The following MERTK variants were observed in gnomAD, a reference collection of about 807,000 sequenced individuals.
MERTK encodes tyrosine-protein kinase Mer.
In MERTK, 69 loss-of-function variants were observed where a neutral mutation model predicts 99.3. That is an observed-to-expected ratio of 0.70 (90% CI 0.57 to 0.85). MERTK has a LOEUF of 0.85. MERTK is among the 40% of genes least tolerant of loss of function. The pLI, the probability that MERTK is intolerant of heterozygous loss-of-function variation, is 0.00. For missense variants in MERTK, 1,125 were observed against 1,249.4 expected (o/e 0.90, Z 1.50); for synonymous variants, 426 against 467.6 (o/e 0.91, Z 1.15).
Position 111,976,418 on chromosome 2 carries a change from A to AT in MERTK, c.1144+948dup, listed in dbSNP as rs1238143816. Among the ~76,000 whole-genome samples the AT allele has an allele frequency of 7.2e-5, 11 of 152,228 alleles. No homozygotes were observed. The East Asian group carries it at 2.1e-3, about 29-fold the overall frequency. ...AGGAGGGCGGGAAGAGGTCAGAGAG[A>AT]TTGTTTTCTGAGGCCTGCCCCTGAG... On this transcript the variant is annotated intron_variant, in intron 7 of 18. Transcript: ENST00000295408.
At chr2:111,945,165 ACT>A (rs1440571677) in intron 3 of MERTK, 105 bp downstream of exon 3, 3 of 860,892 alleles carry the variant, frequency 3.5e-6, no homozygotes, top group Non-Finnish European at 3.8e-6. Flanking sequence ...CCTATTTATA[ACT>A]CTGTATGCAA....
At chr2:112,017,323 C>CG (rs1291794646) in intron 15 of MERTK, among the ~76,000 whole-genome samples, 1 of 152,124 alleles carries the variant, frequency 6.6e-6, no homozygotes, top group Non-Finnish European at 1.5e-5. Context: ...TAGCTAGACA[C>CG]GGAGCACTGA....
chr2:111,979,509 C>T (rs1418482419), intron 7 of MERTK, among the ~76,000 whole-genome samples: 1 of 152,060 alleles, frequency 6.6e-6, no homozygotes, highest in Non-Finnish European at 1.5e-5. Context: ...TCTGGAAATG[C>T]AAGTCTTTTG....
At chr2:111,953,087 G>A (rs1685086357) in intron 4 of MERTK, among the ~76,000 whole-genome samples, 1 of 152,182 alleles carries the variant, frequency 6.6e-6, no homozygotes, top group Non-Finnish European at 1.5e-5. Flanking sequence ...ACCAGTAGGA[G>A]AGCACTTGCG....
At chr2:111,939,667 T>G (rs1684826407) in intron 2 of MERTK, among the ~76,000 whole-genome samples, 4 of 137,284 alleles carry the variant, frequency 2.9e-5, no homozygotes, top group African/African-American at 5.5e-5. Context: ...TTTTTTTTTT[T>G]TTTTTTTTTT....
intron 1 of MERTK, among the ~76,000 whole-genome samples, chr2:111,904,934 C>G (rs1684109726): frequency 6.6e-6 from 1 of 152,200 alleles, no homozygotes; most frequent in Non-Finnish European, 1.5e-5. Flanking sequence ...CTCTGGCACT[C>G]TGGGCATTGG....
chr2:111,913,349 A>G (rs1684287076), intron 1 of MERTK, among the ~76,000 whole-genome samples: 1 of 152,066 alleles, frequency 6.6e-6, no homozygotes, highest in Non-Finnish European at 1.5e-5. Flanking sequence ...AGAGTTCTGT[A>G]TGTGCTTTGT....
At chr2:111,975,958 C>T (rs1380505738) in intron 7 of MERTK, among the ~76,000 whole-genome samples, 2 of 152,138 alleles carry the variant, frequency 1.3e-5, no homozygotes, top group Non-Finnish European at 2.9e-5. Flanking sequence ...CTCCCAACCC[C>T]GTCCCCAGCC....
At chr2:111,902,912 G>A (rs1684072556) in intron 1 of MERTK, among the ~76,000 whole-genome samples, 1 of 151,528 alleles carries the variant, frequency 6.6e-6, no homozygotes, top group African/African-American at 2.4e-5. Context: ...CCCAGTAGCT[G>A]GGATTACAGG....
intron 10 of MERTK, among the ~76,000 whole-genome samples, chr2:112,000,957 C>T (rs1676856172): frequency 6.6e-6 from 1 of 152,168 alleles, no homozygotes; most frequent in Non-Finnish European, 1.5e-5. Context: ...ACTGTTACAG[C>T]TTTGGCCACT....
chr2:112,004,640 G>A (rs559401571), intron 13 of MERTK, among the ~76,000 whole-genome samples: 7 of 152,232 alleles, frequency 4.6e-5, no homozygotes, highest in African/African-American at 1.2e-4. Context: ...AGCCGGGCAC[G>A]GTGGCTCACG....
chr2:111,937,542 T>A (rs1259683624), intron 2 of MERTK, among the ~76,000 whole-genome samples: 1 of 152,172 alleles, frequency 6.6e-6, no homozygotes, highest in Non-Finnish European at 1.5e-5. Flanking sequence ...AGGCTCCTGG[T>A]ACTGTGGATG....
At chr2:111,900,600 CAA>C (rs542972592) in intron 1 of MERTK, among the ~76,000 whole-genome samples, 1 of 152,186 alleles carries the variant, frequency 6.6e-6, no homozygotes, top group African/African-American at 2.4e-5. Context: ...GCTGTAATAA[CAA>C]ATTTTTGTAG....
chr2:111,901,557 T>C (rs1044025504), intron 1 of MERTK, among the ~76,000 whole-genome samples: 3 of 135,678 alleles, frequency 2.2e-5, no homozygotes, highest in Non-Finnish European at 1.6e-5. Context: ...TTTTCTTTCT[T>C]TCTTTTTTTT....
intron 13 of MERTK, among the ~76,000 whole-genome samples, chr2:112,005,828 A>C (rs145362347): frequency 3.3e-5 from 5 of 152,306 alleles, no homozygotes; most frequent in African/African-American, 9.6e-5. Context: ...ACATTAAAGC[A>C]TAAGTTAGAT....
Position 112,019,668 on chromosome 2 carries a change from A to G in MERTK, c.2189+146A>G. On this transcript the variant is annotated intron_variant, in intron 16 of 18. Transcript: ENST00000295408. ...TGTGGCTTGCTCCGAAGATGGAAAT[A>G]TGGCTGGGTGTTTGGGAGTTTTCAC... 3 of 729,976 alleles carry G rather than the reference A, an allele frequency of 4.1e-6. No homozygotes were observed. The South Asian group carries it at 4.4e-5, about 11-fold the overall frequency. 45.2% of individuals were successfully genotyped at this position (729,976 alleles called of 1,614,324 possible).
intron 1 of MERTK, among the ~76,000 whole-genome samples, chr2:111,924,068 A>C (rs1013174613): frequency 2.0e-5 from 3 of 151,950 alleles, no homozygotes; most frequent in Non-Finnish European, 4.4e-5. Flanking sequence ...TGGCAATACC[A>C]CCCCACTAAA....
intron 2 of MERTK, among the ~76,000 whole-genome samples, chr2:111,933,924 C>T (rs370692173): frequency 1.2e-4 from 18 of 147,008 alleles, no homozygotes; most frequent in African/African-American, 3.5e-4. Flanking sequence ...CCTGTGTCCA[C>T]GTGTTCTCAT....
At chr2:111,958,890 C>G (rs527440939) in intron 4 of MERTK, among the ~76,000 whole-genome samples, 3 of 152,140 alleles carry the variant, frequency 2.0e-5, no homozygotes, top group Admixed American at 6.5e-5. Context: ...CTGGCTCTTC[C>G]CCTTATGACA....
Sources: gnomAD v4.1 joint callset for allele counts (sites outside exome capture counted in the v4.1 genomes callset) on GRCh38, gnomAD v4.1.1 for gene constraint, MANE v1.5 for transcripts, NCBI Gene and HGNC (gene_info 2026-07-23, HGNC 2026-07-21) for gene names.